CLDN10: variants seen among roughly 807,000 people sequenced by gnomAD.
CLDN10 encodes the protein claudin 10.
A neutral mutation model predicts 22.9 loss-of-function variants in CLDN10; 15 were observed. The observed-to-expected ratio is 0.65, with a 90% CI of 0.44 to 1.01. CLDN10 has a LOEUF of 1.01. CLDN10 is among the 50% of genes least tolerant of loss of function. The pLI, the probability that CLDN10 is intolerant of heterozygous loss-of-function variation, is 0.00. For synonymous variants in CLDN10, 114 were observed against 111.4 expected (o/e 1.02, Z -0.15); for missense variants, 247 against 287.8 (o/e 0.86, Z 1.03).
chr13:95,534,773 C>T (rs2043382372), intron 1 of CLDN10, among the ~76,000 whole-genome samples: 1 of 151,992 alleles, frequency 6.6e-6, no homozygotes, highest in African/African-American at 2.4e-5. Flanking sequence ...AGCAATTTTC[C>T]TAATATCTCC....
At chr13:95,560,097 C>A (rs1315542495) in intron 1 of CLDN10, 35 bp from the exon 2 acceptor site, 1 of 1,570,706 alleles carries the variant, frequency 6.4e-7, no homozygotes, top group Admixed American at 1.8e-5. Context: ...CAGCCACATG[C>A]TTTATGTAAC....
chr13:95,552,684 C>CGGGGTTGGGAGTGCG, upstream of CLDN10: 2 of 1,478,222 alleles, frequency 1.4e-6, no homozygotes, highest in South Asian at 2.6e-5. Flanking sequence ...GGCGGAGCCC[C>CGGGGTTGGGAGTGCG]GGGGTTGGGA....
chr13:95,513,714 C>T (rs2043131493), intron 1 of CLDN10, among the ~76,000 whole-genome samples: 1 of 142,124 alleles, frequency 7.0e-6, no homozygotes, highest in African/African-American at 2.5e-5. Flanking sequence ...ATATATTCTA[C>T]ATTGATAAGC....
At chr13:95,495,577 T>C (rs192078522) in intron 1 of CLDN10, among the ~76,000 whole-genome samples, 2,255 of 151,222 alleles carry the variant, frequency 0.015, 26 homozygotes, top group Non-Finnish European at 0.024. Context: ...ACCCCGTCTC[T>C]ACTAAAAATA....
At chr13:95,536,526 T>C (rs912448660) in intron 1 of CLDN10, among the ~76,000 whole-genome samples, 1 of 152,200 alleles carries the variant, frequency 6.6e-6, no homozygotes, top group Non-Finnish European at 1.5e-5. Context: ...AAGAGGAAGA[T>C]GAGCTTTGGC....
At chr13:95,573,767 G>A (rs1302386555) in intron 3 of CLDN10, among the ~76,000 whole-genome samples, 2 of 151,096 alleles carry the variant, frequency 1.3e-5, no homozygotes, top group African/African-American at 4.9e-5. Flanking sequence ...GGGTACATGT[G>A]CACAACATGC....
intron 1 of CLDN10, among the ~76,000 whole-genome samples, chr13:95,556,458 G>A (rs964281921): frequency 4.6e-5 from 7 of 152,108 alleles, no homozygotes; most frequent in African/African-American, 1.4e-4. Context: ...TAGATTTAAC[G>A]TTATGCCATA....
At chr13:95,558,205 GT>G (rs1464574296) in intron 1 of CLDN10, among the ~76,000 whole-genome samples, 1 of 152,170 alleles carries the variant, frequency 6.6e-6, no homozygotes, top group East Asian at 1.9e-4. Context: ...ACCAGTTTGG[GT>G]TATCCTCACA....
At chr13:95,445,675 C>T (rs2042368365) in intron 1 of CLDN10, among the ~76,000 whole-genome samples, 1 of 152,172 alleles carries the variant, frequency 6.6e-6, no homozygotes, top group African/African-American at 2.4e-5. Flanking sequence ...CTCAGTCAGT[C>T]AGTTTCTTAA....
At chr13:95,471,374 A>G (rs72649663) in intron 1 of CLDN10, among the ~76,000 whole-genome samples, 45,482 of 143,350 alleles carry the variant, frequency 0.32, 7,256 homozygotes, top group Middle Eastern at 0.35. Flanking sequence ...GTGTGTGTGT[A>G]TATATATAAC....
intron 1 of CLDN10, among the ~76,000 whole-genome samples, chr13:95,464,621 T>C (rs2042567137): frequency 6.6e-6 from 1 of 152,196 alleles, no homozygotes; most frequent in East Asian, 1.9e-4. Context: ...TACCCAGTAA[T>C]GGGATGGCTG....
At chr13:95,577,189 C>T in intron 3 of CLDN10, 42 bp from the exon 4 acceptor site, 1 of 1,350,448 alleles carries the variant, frequency 7.4e-7, no homozygotes, top group East Asian at 2.3e-5. Context: ...GTTTACTCTC[C>T]AAATAAGTGA....
intron 1 of CLDN10, among the ~76,000 whole-genome samples, chr13:95,444,210 G>A (rs755292585): frequency 1.3e-5 from 2 of 152,174 alleles, no homozygotes; most frequent in Non-Finnish European, 2.9e-5. Context: ...CTGAGCAAAT[G>A]GTGTGCTGGG....
At chr13:95,433,770 G>A (rs1327942836) in exon 1 of CLDN10, 2 of 1,553,256 alleles carry the variant, frequency 1.3e-6, no homozygotes, top group Non-Finnish European at 1.8e-6. Flanking sequence ...GTTCTCTATC[G>A]GCTGCATGCC....
chr13:95,527,262 G>A (rs921840090), intron 1 of CLDN10, among the ~76,000 whole-genome samples: 1 of 152,168 alleles, frequency 6.6e-6, no homozygotes, highest in African/African-American at 2.4e-5. Context: ...TAAAAGGAAT[G>A]TTATGTTCTT....
At chr13:95,511,504 A>G in intron 1 of CLDN10, among the ~76,000 whole-genome samples, 1 of 152,228 alleles carries the variant, frequency 6.6e-6, no homozygotes, top group Admixed American at 6.5e-5. Flanking sequence ...TTCTTTGTGA[A>G]AGAGTTTTCT....
At chr13:95,479,339 G>A (rs1302486760) in intron 1 of CLDN10, 1 of 152,006 alleles carries the variant, frequency 6.6e-6, no homozygotes, top group Non-Finnish European at 1.5e-5. Flanking sequence ...GACAGAGCAA[G>A]ACTCCATCTC....
At chr13:95,541,037 C>G (rs1207912639) in intron 1 of CLDN10, among the ~76,000 whole-genome samples, 2 of 152,212 alleles carry the variant, frequency 1.3e-5, no homozygotes, top group Non-Finnish European at 2.9e-5. Flanking sequence ...GGCCCAGGGC[C>G]CACACTGAGA....
chr13:95,435,995 T>C (rs1283163691), intron 1 of CLDN10, among the ~76,000 whole-genome samples: 1 of 151,882 alleles, frequency 6.6e-6, no homozygotes, highest in East Asian at 1.9e-4. Flanking sequence ...TCTTAATATG[T>C]TTCATTCTGT....
Sources: allele counts gnomAD v4.1 joint callset (sites outside exome capture counted in the v4.1 genomes callset), GRCh38; gene constraint gnomAD v4.1.1; transcripts MANE v1.5; gene names NCBI Gene and HGNC (gene_info 2026-07-23, HGNC 2026-07-21).